SKI: variants seen among roughly 807,000 people sequenced by gnomAD.
The protein encoded by SKI is SKI proto-oncogene, also known as ski oncogene.
Under a neutral mutation model 59.3 loss-of-function variants are expected in SKI, and 23 were observed. That is an observed-to-expected ratio of 0.39 (90% CI 0.28 to 0.55). The LOEUF is 0.55. SKI is among the 20% of genes least tolerant of loss of function. The pLI, the probability that SKI is intolerant of heterozygous loss-of-function variation, is 0.67. For missense variants in SKI, 1,017 were observed against 1,038.9 expected (o/e 0.98, Z 0.29); for synonymous variants, 673 against 488.6 (o/e 1.38, Z -4.98).
rs1412398423 is a variant in SKI at position 2,228,983 on chromosome 1, G to A, written c.217G>A (p.Val73Met). ...PVPAATEPPP[V>M]LHLPAIQPPP... ...GCCCGCAGCCACCGAGCCGCCGCCC[G>A]TGCTGCACCTGCCCGCCATCCAGCC... The change falls in exon 1 of 7, where the codon GTG (valine) becomes ATG (methionine). Residue 73 changes from valine to methionine, a missense_variant. Transcript: ENST00000378536. 5 of 1,536,848 alleles carry A rather than the reference G, an allele frequency of 3.3e-6. No homozygotes were observed. The highest frequency in any genetic ancestry group is 4.9e-5 in the East Asian group (2 of 40,884).
At chr1:2,241,718 C>T (rs979361619) in intron 1 of SKI, among the ~76,000 whole-genome samples, 8 of 152,128 alleles carry the variant, frequency 5.3e-5, no homozygotes, top group African/African-American at 1.9e-4. Context: ...TGAAGCAAAT[C>T]CCAGGCATCA....
chr1:2,278,868 G>T (rs567737727), intron 1 of SKI, among the ~76,000 whole-genome samples: 1 of 152,188 alleles, frequency 6.6e-6, no homozygotes, highest in East Asian at 1.9e-4. Flanking sequence ...GTGGTGGGGG[G>T]TGTTGGGGCT....
At chr1:2,253,621 A>C (rs1043742766) in intron 1 of SKI, among the ~76,000 whole-genome samples, 2 of 152,168 alleles carry the variant, frequency 1.3e-5, no homozygotes, top group Admixed American at 1.3e-4. Context: ...ACATCTTCCC[A>C]GCGCGTGTGC....
At chr1:2,232,823 G>A (rs1164562640) in intron 1 of SKI, among the ~76,000 whole-genome samples, 1 of 152,118 alleles carries the variant, frequency 6.6e-6, no homozygotes, top group Non-Finnish European at 1.5e-5. Flanking sequence ...TATTGATCTT[G>A]GACTTTATGT....
rs1019792809 is a variant in SKI at position 2,306,387 on chromosome 1, C to T, written c.1998+137C>T. 11 of 1,015,106 alleles carry T rather than the reference C, an allele frequency of 1.1e-5. No homozygotes were observed. The African/African-American group carries it at 1.1e-4, about 10-fold the overall frequency. The allele number at this position is 1,015,106 out of a possible 1,614,324, so 62.9% of individuals were successfully genotyped here. ...GGACCACGTTCCGTGCGTGCCCCCCCGACGGGCACAGGGTGGGTGGTTGCT... is the reference window on the plus strand; with the variant it reads ...GGACCACGTTCCGTGCGTGCCCCCCTGACGGGCACAGGGTGGGTGGTTGCT... On this transcript the variant is annotated intron_variant, in intron 6 of 6. Transcript: ENST00000378536.
rs543801094 is a variant in SKI, at chr1:2,291,862, C to T, written c.970-11116C>T. Among the ~76,000 whole-genome samples, 35 of 152,332 alleles carry T rather than the reference C, an allele frequency of 2.3e-4. 1 individual carries two copies. In the South Asian group the frequency reaches 6.2e-3, roughly 27 times the overall value. ...GACCTACTTAAGCGAAAGAAAAATC[C>T]GAGTGAACCTTTAAAGCTGGTATTC... On this transcript the variant is annotated intron_variant, in intron 1 of 6. Transcript: ENST00000378536.
At position 2,270,753 on chromosome 1, in the gene SKI, C is replaced by T. The variant is rs997708356; in HGVS notation, c.970-32225C>T. ...CTCCCGCTTCCCTTCCTCTGGGCCC[C>T]TGGACTCTGGGGGCGAGGGCAGGGC... On this transcript the variant is annotated intron_variant, in intron 1 of 6. Transcript: ENST00000378536. The surrounding 1 kb of genome is among the most constrained non-coding windows in gnomAD (Gnocchi z 4.1). 2.0e-5 allele frequency among the ~76,000 whole-genome samples: 3 copies of T among 152,200 alleles called. No homozygotes were observed. The highest frequency in any genetic ancestry group is 7.2e-5 in the African/African-American group (3 of 41,452).
In SKI at chr1:2,308,773, T is replaced by C. The variant is rs1640664507; in HGVS notation, c.*2008T>C. On this transcript the variant is annotated 3_prime_UTR_variant, in exon 7 of 7. Transcript: ENST00000378536. ...GGGCCGCCAGGCTTGCTCCGTTTGC[T>C]TTGAGTTTTTAGACCCCAGAGGGAG... The C allele has an allele frequency of 6.6e-6, 1 of 152,196 alleles. No homozygotes were observed. The highest frequency in any genetic ancestry group is 1.9e-4 in the East Asian group (1 of 5,188). The allele number at this position is 152,196 out of a possible 1,614,324, so 9.4% of individuals were successfully genotyped here. A position where few individuals can be genotyped will look rare whatever the true frequency, so the allele number is the denominator to read the frequency against.
chr1:2,272,422 G>T (rs772446560), intron 1 of SKI, among the ~76,000 whole-genome samples: 3 of 152,208 alleles, frequency 2.0e-5, no homozygotes, highest in African/African-American at 7.2e-5. Flanking sequence ...GGAGCCCTCC[G>T]CTGGGGGGTT....
chr1:2,297,513 G>T (rs1459146472), intron 1 of SKI, among the ~76,000 whole-genome samples: 1 of 152,226 alleles, frequency 6.6e-6, no homozygotes, highest in East Asian at 1.9e-4. Context: ...CGCTCCACCT[G>T]CTGTGGCCCC....
intron 1 of SKI, among the ~76,000 whole-genome samples, chr1:2,283,104 G>T (rs1486600483): frequency 6.6e-6 from 1 of 152,232 alleles, no homozygotes; most frequent in East Asian, 1.9e-4. Context: ...CATGGCCAGG[G>T]AGGCGCCCCC....
rs574248890 is a variant in SKI, at chr1:2,307,644, G to A, written c.*879G>A. ...CGGCAAACGTCGCTCCCTTCATTTT[G>A]GGACTGAGGCTGCAGCATTGGAACA... On this transcript the variant is annotated 3_prime_UTR_variant, in exon 7 of 7. Transcript: ENST00000378536. The A allele has an allele frequency of 1.3e-5, 2 of 152,542 alleles. No homozygotes were observed. Among genetic ancestry groups the A allele is most frequent in the Non-Finnish European group, 2.9e-5 (2 of 68,046 alleles). 9.4% of individuals were successfully genotyped at this position (152,542 alleles called of 1,614,324 possible). A position where few individuals can be genotyped will look rare whatever the true frequency, so the allele number is the denominator to read the frequency against.
chr1:2,276,957 A>T (rs1269017763), intron 1 of SKI, among the ~76,000 whole-genome samples: 1 of 152,036 alleles, frequency 6.6e-6, no homozygotes, highest in Non-Finnish European at 1.5e-5. Context: ...CCCCACAGGG[A>T]TGGGGCATTG....
chr1:2,307,538 C>T lies in SKI; in HGVS notation c.*773C>T, dbSNP rs979004578. 18 of 152,424 alleles carry T rather than the reference C, an allele frequency of 1.2e-4. No homozygotes were observed. The highest frequency in any genetic ancestry group is 4.1e-4 in the African/African-American group (17 of 41,450). The allele number at this position is 152,424 out of a possible 1,614,324, so 9.4% of individuals were successfully genotyped here. ...TCCACCACGAGGCACTGACCTGCGTCGGGTGGTGACCGTGGCTGGCGGTCA... is the reference window on the plus strand; with the variant it reads ...TCCACCACGAGGCACTGACCTGCGTTGGGTGGTGACCGTGGCTGGCGGTCA... On this transcript the variant is annotated 3_prime_UTR_variant, in exon 7 of 7. Coordinates refer to ENST00000378536, the MANE Select transcript of SKI (RefSeq NM_003036.4).
Position 2,307,729 on chromosome 1 carries a change from T to G in SKI, c.*964T>G, listed in dbSNP as rs1305676235. 1 of 152,616 alleles carries G rather than the reference T, an allele frequency of 6.6e-6. No homozygotes were observed. Among genetic ancestry groups the G allele is most frequent in the East Asian group, 1.9e-4 (1 of 5,200 alleles). The allele number at this position is 152,616 out of a possible 1,614,324, so 9.5% of individuals were successfully genotyped here. A position where few individuals can be genotyped will look rare whatever the true frequency, so the allele number is the denominator to read the frequency against. ...TTGTTCGTTCATTTAAACGTATATT[T>G]AGAACTGCACTTTGTCCACAACCTT... On this transcript the variant is annotated 3_prime_UTR_variant, in exon 7 of 7. Transcript: ENST00000378536.
At chr1:2,265,245 T>A (rs955030353) in intron 1 of SKI, among the ~76,000 whole-genome samples, 5 of 152,214 alleles carry the variant, frequency 3.3e-5, no homozygotes, top group African/African-American at 1.2e-4. Context: ...CCTGCGTCCC[T>A]CCTCTGGGCA....
rs868545143 is a variant in SKI, at chr1:2,304,505, C to G, written c.1687C>G (p.Leu563Val). The change falls in exon 5 of 7, where the codon CTG becomes GTG. Residue 563 changes from leucine to valine, a missense_variant. Transcript: ENST00000378536. ...CACCAAGGAAGCCAAAGAGAAGTTC[C>G]TGCATGAGGTGGTCAAGATGCGCGT... ...LDTKEAKEKF[L>V]HEVVKMRVKQ... The G allele has an allele frequency of 1.5e-5, 24 of 1,581,840 alleles. No individual in the cohort carries two copies. Among genetic ancestry groups the G allele is most frequent in the East Asian group, 4.7e-5 (2 of 42,538 alleles).
At chr1:2,295,021 CT>C (rs1433288391) in intron 1 of SKI, among the ~76,000 whole-genome samples, 1 of 152,248 alleles carries the variant, frequency 6.6e-6, no homozygotes, top group Non-Finnish European at 1.5e-5. Flanking sequence ...TGTCAGGCCC[CT>C]GGCTCAGATG....
chr1:2,305,347 C>T (rs1487668902), intron 5 of SKI, among the ~76,000 whole-genome samples: 5 of 152,216 alleles, frequency 3.3e-5, no homozygotes, highest in Non-Finnish European at 7.3e-5. Context: ...ATTCACACCT[C>T]GGCGGCGTCT....
Sources: allele counts gnomAD v4.1 joint callset (sites outside exome capture counted in the v4.1 genomes callset), GRCh38; gene constraint gnomAD v4.1.1; non-coding constraint Gnocchi (gnomAD v3.1); transcripts MANE v1.5; gene names NCBI Gene and HGNC (gene_info 2026-07-23, HGNC 2026-07-21).